The following MYO1F variants were observed in gnomAD, a reference collection of about 807,000 sequenced individuals.
MYO1F encodes the protein myosin IF.
Under a neutral mutation model 146.6 loss-of-function variants are expected in MYO1F, and 60 were observed. That is an observed-to-expected ratio of 0.41 (90% CI 0.33 to 0.51). MYO1F has a LOEUF of 0.51. Ranked by LOEUF, MYO1F falls within the 20% of genes least tolerant of loss-of-function variation. The pLI, the probability that MYO1F is intolerant of heterozygous loss-of-function variation, is 0.25. For missense variants in MYO1F, 1,274 were observed against 1,534.3 expected, an observed-to-expected ratio of 0.83 and a Z score of 2.83; for synonymous variants, 602 against 602.1, an observed-to-expected ratio of 1.00 and a Z score of 0.00.
chr19:8,525,199 C>CA (rs60806727), intron 25 of MYO1F: 8,446 of 79,108 alleles, frequency 0.11, 919 homozygotes, highest in African/African-American at 0.31. Flanking sequence ...GACTCCATCT[C>CA]AAAAAAAAAA....
chr19:8,525,411 G>T (rs1972223324), intron 25 of MYO1F, 68 bp downstream of exon 25: 1 of 1,363,068 alleles, frequency 7.3e-7, no homozygotes, highest in Non-Finnish European at 1.0e-6. Context: ...TTCGTTTGCT[G>T]AAGGTCTGGC....
At chr19:8,531,382 T>C (rs1339275884) in intron 19 of MYO1F, among the ~76,000 whole-genome samples, 1 of 152,140 alleles carries the variant, frequency 6.6e-6, no homozygotes, top group Non-Finnish European at 1.5e-5. Context: ...AGGGTCTCGC[T>C]CCGTCGCCCA....
At chr19:8,554,800 C>G in intron 2 of MYO1F, 57 bp from the exon 3 acceptor site, 4 of 1,490,884 alleles carry the variant, frequency 2.7e-6, no homozygotes, top group Non-Finnish European at 3.7e-6. Flanking sequence ...TCCCTGTCCC[C>G]TCATCCTGCC....
At chr19:8,571,925 G>C (rs1043752913) in intron 1 of MYO1F, among the ~76,000 whole-genome samples, 9 of 151,454 alleles carry the variant, frequency 5.9e-5, no homozygotes, top group Non-Finnish European at 1.2e-4. Context: ...GGGTTTCACT[G>C]TGTTAGCCAG....
chr19:8,548,207 A>G, intron 11 of MYO1F, 30 bp downstream of exon 11: 1 of 1,613,632 alleles, frequency 6.2e-7, no homozygotes, highest in Admixed American at 1.7e-5. Flanking sequence ...CAGGGAGGAC[A>G]GGATGTGGGC....
chr19:8,545,613 A>G lies in MYO1F; in HGVS notation c.1356+37T>C, dbSNP rs947275964. On this transcript the variant is annotated intron_variant, in intron 13 of 27. Coordinates refer to ENST00000644032, the MANE Select transcript of MYO1F (RefSeq NM_012335.4). ...TCTTCCAGACTCAGCTCAGGGGACC[A>G]GTGAGACGCCCCCGCCAAAGTTGAC... 2.6e-6 allele frequency: 4 copies of G among 1,538,306 alleles called. No homozygotes were observed. In the African/African-American group the frequency reaches 5.5e-5, roughly 21 times the overall value.
At chr19:8,531,682 C>T (rs1972491903) in intron 19 of MYO1F, among the ~76,000 whole-genome samples, 1 of 152,192 alleles carries the variant, frequency 6.6e-6, no homozygotes, top group Non-Finnish European at 1.5e-5. Flanking sequence ...CCACTTACTA[C>T]CTGTGTGCTT....
At position 8,526,872 on chromosome 19, in the gene MYO1F, G is replaced by A. The variant is rs750573351; in HGVS notation, c.2538C>T (p.Val846=). ...EDAADSFLES[V]FKTEFVSLLC... ...GAAGGCTGACAAACTCGGTCTTGAAGACGCTCTCCAGGAAGCTGTCGGCGG... is the reference window on the plus strand; with the variant it reads ...GAAGGCTGACAAACTCGGTCTTGAAAACGCTCTCCAGGAAGCTGTCGGCGG... Residue 846 remains valine, a synonymous_variant, in exon 23 of 28, where the codon GTC becomes GTT. Coordinates refer to ENST00000644032, the MANE Select transcript of MYO1F (RefSeq NM_012335.4). 6.2e-6 allele frequency: 10 copies of A among 1,613,972 alleles called. No homozygotes were observed. The Admixed American group carries it at 1.5e-4, about 24-fold the overall frequency.
chr19:8,568,146 G>A (rs1007211690), intron 1 of MYO1F, among the ~76,000 whole-genome samples: 4 of 152,102 alleles, frequency 2.6e-5, no homozygotes, highest in African/African-American at 4.8e-5. Context: ...AGGCTGGGCC[G>A]GGCACGGTGG....
At chr19:8,573,439 A>G (rs1166218421) in intron 1 of MYO1F, among the ~76,000 whole-genome samples, 2 of 152,158 alleles carry the variant, frequency 1.3e-5, no homozygotes, top group Non-Finnish European at 2.9e-5. Flanking sequence ...TGATAACTCC[A>G]ATACCATCAT....
At chr19:8,532,903 T>TACACACACACACACACAC (rs60799506) in intron 19 of MYO1F, among the ~76,000 whole-genome samples, 2 of 113,164 alleles carry the variant, frequency 1.8e-5, no homozygotes, top group African/African-American at 6.7e-5. Context: ...AAAAAAAAAA[T>TACACACACACACACACAC]ACACACACAC....
At chr19:8,557,123 CAAAAAATA>C (rs1460838686) in intron 1 of MYO1F, among the ~76,000 whole-genome samples, 2 of 151,758 alleles carry the variant, frequency 1.3e-5, no homozygotes, top group Non-Finnish European at 2.9e-5. Flanking sequence ...CCCATCTCTA[CAAAAAATA>C]GAAAAATTAG....
chr19:8,561,025 C>T lies in MYO1F; in HGVS notation c.4-5229G>A, dbSNP rs113900022. Among the ~76,000 whole-genome samples, 1,493 of 150,888 alleles carry T rather than the reference C, an allele frequency of 9.9e-3. 23 individuals carry two copies. Among genetic ancestry groups the T allele is most frequent in the African/African-American group, 0.034 (1,386 of 41,116 alleles). ...GTGCTGGGATTATAGGTGTGAGCCA[C>T]TGCGCCTGGCCACGCCTGGCTAATT... On this transcript the variant is annotated intron_variant, in intron 1 of 27. Transcript: ENST00000644032.
At chr19:8,523,241 G>A (rs899042922) in intron 25 of MYO1F, among the ~76,000 whole-genome samples, 2 of 152,066 alleles carry the variant, frequency 1.3e-5, no homozygotes, top group Non-Finnish European at 2.9e-5. Context: ...CATCATGTTA[G>A]CCAGGATGGT....
rs1295356739 is a variant in MYO1F at position 8,536,277 on chromosome 19, T to A, written c.2018A>T (p.Lys673Met). The A allele has an allele frequency of 6.2e-7, 1 of 1,607,122 alleles. No homozygotes were observed. Among genetic ancestry groups the A allele is most frequent in the Admixed American group, 1.7e-5 (1 of 59,976 alleles). The change falls in exon 19 of 28, where the codon AAG becomes ATG. Residue 673 changes from lysine (K) to methionine (M), a missense_variant. Transcript: ENST00000644032. ...CGACTCTGGGTTCTTGACAAAGACC[T>A]TGGTGCTCCCCATCTGGTACTGGTC... ...EPDQYQMGST[K>M]VFVKNPESLF...
intron 14 of MYO1F, among the ~76,000 whole-genome samples, chr19:8,543,654 CTGGTGG>C (rs1266851158): frequency 2.3e-5 from 2 of 87,534 alleles, no homozygotes; most frequent in Non-Finnish European, 4.6e-5. Flanking sequence ...GGTGGTGGTG[CTGGTGG>C]TGGTGGTGGT....
At chr19:8,544,666 G>C (rs367926533) in intron 13 of MYO1F, among the ~76,000 whole-genome samples, 9 of 152,128 alleles carry the variant, frequency 5.9e-5, no homozygotes, top group Admixed American at 2.0e-4. Context: ...AGGGGGGCAA[G>C]GGTGTGTGGG....
chr19:8,554,217 A>G (rs926608458), intron 4 of MYO1F, among the ~76,000 whole-genome samples: 3 of 152,086 alleles, frequency 2.0e-5, no homozygotes, highest in Non-Finnish European at 4.4e-5. Context: ...TTGGCCTCCC[A>G]AAGTGCCAGG....
chr19:8,559,971 A>AG (rs1974015253), intron 1 of MYO1F, among the ~76,000 whole-genome samples: 1 of 147,628 alleles, frequency 6.8e-6, no homozygotes, highest in South Asian at 2.1e-4. Flanking sequence ...AAAAAAAAAA[A>AG]GTAAAGAATT....
Sources: allele counts gnomAD v4.1 joint callset (sites outside exome capture counted in the v4.1 genomes callset), GRCh38; gene constraint gnomAD v4.1.1; transcripts MANE v1.5; gene names NCBI Gene and HGNC (gene_info 2026-07-23, HGNC 2026-07-21).